The following PCLO variants were observed in gnomAD, a reference collection of about 807,000 sequenced individuals.
PCLO encodes the protein protein piccolo.
A neutral mutation model predicts 427.5 loss-of-function variants in PCLO; 82 were observed. The ratio of observed to expected loss-of-function variants is 0.19; its 90% CI spans 0.16 to 0.23. The LOEUF is 0.23. Ranked by LOEUF, PCLO falls within the 10% of genes least tolerant of loss-of-function variation. The probability of loss-of-function intolerance (pLI) is 1.00; values close to 1 mark genes in which losing one functional copy is unlikely to be tolerated. For missense variants in PCLO, 6,239 were observed against 6,115.9 expected (o/e 1.02, Z -0.67); for synonymous variants, 2,357 against 2,155.4 (o/e 1.09, Z -2.59).
At chr7:82,852,099 G>GA (rs1366396873) in intron 10 of PCLO, among the ~76,000 whole-genome samples, 2 of 151,888 alleles carry the variant, frequency 1.3e-5, no homozygotes, top group Non-Finnish European at 2.9e-5. Flanking sequence ...TTTGGTAAAG[G>GA]AAAAAACTAG....
chr7:82,777,040 A>G (rs368290098), intron 22 of PCLO, among the ~76,000 whole-genome samples: 1 of 152,086 alleles, frequency 6.6e-6, no homozygotes, highest in South Asian at 2.1e-4. Context: ...GTTTAGTGCT[A>G]TAAATTTCCC....
At chr7:82,762,760 A>G (rs1790457203) in intron 22 of PCLO, among the ~76,000 whole-genome samples, 1 of 152,024 alleles carries the variant, frequency 6.6e-6, no homozygotes, top group South Asian at 2.1e-4. Context: ...GCATGGCTTA[A>G]TAGAGGACAA....
intron 6 of PCLO, among the ~76,000 whole-genome samples, chr7:82,949,220 C>A (rs1243805634): frequency 6.6e-6 from 1 of 151,842 alleles, no homozygotes; most frequent in Non-Finnish European, 1.5e-5. Flanking sequence ...AATGTGTTTT[C>A]TTTCTTTGGT....
intron 22 of PCLO, among the ~76,000 whole-genome samples, chr7:82,764,037 A>G (rs1790483142): frequency 6.6e-6 from 1 of 152,054 alleles, no homozygotes; most frequent in African/African-American, 2.4e-5. Flanking sequence ...ATTATTCAAT[A>G]TAATTAATTG....
At chr7:83,083,092 T>C (rs778708602) in intron 3 of PCLO, among the ~76,000 whole-genome samples, 11 of 151,938 alleles carry the variant, frequency 7.2e-5, no homozygotes, top group Non-Finnish European at 1.3e-4. Flanking sequence ...CTTTATTTTA[T>C]ATCCCACACA....
chr7:83,095,745 T>G (rs763562830), intron 3 of PCLO, among the ~76,000 whole-genome samples: 3 of 152,086 alleles, frequency 2.0e-5, no homozygotes, highest in Non-Finnish European at 4.4e-5. Flanking sequence ...CTGTTATCTT[T>G]CTATTACTAA....
At chr7:83,122,256 C>G (rs1015271932) in intron 3 of PCLO, among the ~76,000 whole-genome samples, 4 of 144,116 alleles carry the variant, frequency 2.8e-5, no homozygotes, top group African/African-American at 1.1e-4. Flanking sequence ...GACAAGGATG[C>G]ACTCTTTCCT....
At chr7:82,938,227 T>G (rs1371977010) in intron 6 of PCLO, among the ~76,000 whole-genome samples, 2 of 151,952 alleles carry the variant, frequency 1.3e-5, no homozygotes, top group East Asian at 3.8e-4. Context: ...GACATTTCAT[T>G]GTTGTAAAGT....
intron 22 of PCLO, among the ~76,000 whole-genome samples, chr7:82,773,012 C>T (rs534480523): frequency 6.6e-6 from 1 of 152,054 alleles, no homozygotes; most frequent in Non-Finnish European, 1.5e-5. Context: ...GTATGATAGA[C>T]CAACATGCTA....
intron 6 of PCLO, among the ~76,000 whole-genome samples, chr7:82,927,146 G>A (rs1335974939): frequency 1.3e-5 from 2 of 152,130 alleles, no homozygotes; most frequent in Admixed American, 6.6e-5. Flanking sequence ...AGAAAAAGAT[G>A]AATTCTTTCG....
chr7:83,086,132 C>T (rs1035075420), intron 3 of PCLO, among the ~76,000 whole-genome samples: 13 of 148,674 alleles, frequency 8.7e-5, no homozygotes, highest in South Asian at 2.2e-4. Context: ...TTTTTTGAGA[C>T]GGAGTCTTGC....
chr7:83,104,334 C>T (rs887796527), intron 3 of PCLO, among the ~76,000 whole-genome samples: 1 of 151,956 alleles, frequency 6.6e-6, no homozygotes, highest in Non-Finnish European at 1.5e-5. Context: ...GCGGAATAAG[C>T]AAAGTGATTT....
chr7:82,949,773 C>G lies in PCLO; in HGVS notation c.10815G>C (p.Arg3605=). 1 of 1,613,646 alleles carries G rather than the reference C, an allele frequency of 6.2e-7. No individual in the cohort carries two copies. The part of the protein sequence containing the change: ...PLEIGYSSHL[R]ADSTVQLAPS... ...GAGCCAGCTGTACTGTGGAATCTGC[C>G]CGGAGGTGAGATGAATAACCAATCT... Residue 3605 remains arginine (R), a synonymous_variant, in exon 6 of 25, where the codon CGG becomes CGC. Transcript: ENST00000333891.
chr7:82,818,839 A>G (rs1791731384), intron 20 of PCLO, among the ~76,000 whole-genome samples: 1 of 152,216 alleles, frequency 6.6e-6, no homozygotes, highest in Non-Finnish European at 1.5e-5. Context: ...CACTCTGTAC[A>G]ACATGAAGAA....
intron 3 of PCLO, among the ~76,000 whole-genome samples, chr7:83,080,436 T>C (rs372255446): frequency 6.6e-6 from 1 of 152,160 alleles, no homozygotes; most frequent in Non-Finnish European, 1.5e-5. Flanking sequence ...GGTATGTCAT[T>C]GTGGTTTCAA....
At chr7:82,762,156 A>C (rs1382613004) in intron 22 of PCLO, among the ~76,000 whole-genome samples, 1 of 152,072 alleles carries the variant, frequency 6.6e-6, no homozygotes, top group Non-Finnish European at 1.5e-5. Context: ...AGATATTTTC[A>C]TCAATAAATA....
chr7:82,873,677 T>A (rs1332694382), intron 10 of PCLO, among the ~76,000 whole-genome samples: 4 of 152,148 alleles, frequency 2.6e-5, no homozygotes, highest in African/African-American at 7.2e-5. Flanking sequence ...AATCTAAAAC[T>A]CCTCTGTTTT....
chr7:82,759,179 T>C (rs2129467480), intron 24 of PCLO, among the ~76,000 whole-genome samples: 1 of 152,012 alleles, frequency 6.6e-6, no homozygotes, highest in East Asian at 1.9e-4. Flanking sequence ...GATTTTACTA[T>C]AGTATGTACT....
Position 83,134,951 on chromosome 7 carries a change from C to A in PCLO, c.2599G>T (p.Asp867Tyr). 6.2e-7 allele frequency: 1 copy of A among 1,608,902 alleles called. No individual in the cohort carries two copies. Among genetic ancestry groups the A allele is most frequent in the Non-Finnish European group, 8.5e-7 (1 of 1,177,932 alleles). The change falls in exon 3 of 25, where the codon GAT becomes TAT. Residue 867 changes from aspartate (D) to tyrosine (Y), a missense_variant. This residue lies in a region of PCLO where 4,677 missense variants were observed against 4,468.4 expected (regional missense o/e 1.05). Coordinates refer to ENST00000333891, the MANE Select transcript of PCLO (RefSeq NM_033026.6). Reference protein sequence around the residue: ...KAQTKMSPKPDAKPMPKGSPT... With the variant: ...KAQTKMSPKPYAKPMPKGSPT... ...GACCCTTTTGGCATTGGCTTGGCATCTGGTTTAGGACTCATTTTGGTTTGT... is the reference window on the plus strand; with the variant it reads ...GACCCTTTTGGCATTGGCTTGGCATATGGTTTAGGACTCATTTTGGTTTGT...
Sources: allele counts gnomAD v4.1 joint callset (sites outside exome capture counted in the v4.1 genomes callset), GRCh38; gene constraint gnomAD v4.1.1; regional missense constraint gnomAD v4.1.1; transcripts MANE v1.5; gene names NCBI Gene and HGNC (gene_info 2026-07-23, HGNC 2026-07-21).